Variants in FRMPD4 observed in about 807,000 individuals in gnomAD.
FRMPD4 encodes the protein FERM and PDZ domain containing 4.
Under a neutral mutation model 94.1 loss-of-function variants are expected in FRMPD4, and 22 were observed. The observed-to-expected ratio is 0.23, with a 90% CI of 0.17 to 0.33. The LOEUF is 0.33. FRMPD4 is among the 10% of genes least tolerant of loss of function. The pLI is 1.00. For synonymous variants in FRMPD4, 631 were observed against 548.6 expected (o/e 1.15, Z -2.10); for missense variants, 1,111 against 1,339.9 (o/e 0.83, Z 2.67).
At chrX:12,354,900 G>A (rs940758205) in intron 1 of FRMPD4, among the ~76,000 whole-genome samples, 5 of 112,119 alleles carry the variant, frequency 4.5e-5, no homozygotes, top group Non-Finnish European at 7.5e-5. Context: ...AAAATGTAGC[G>A]CAATTAAAGA....
chrX:12,091,258 T>TA (rs5901460), intron 3 of FRMPD4, among the ~76,000 whole-genome samples: 44,079 of 109,429 alleles, frequency 0.4, 6,889 homozygotes, highest in Middle Eastern at 0.54. Context: ...ACTAGGATTT[T>TA]AAAAAAAAGC....
At position 12,023,223 on chromosome X, in the gene FRMPD4, A is replaced by G. The variant is rs193208726; in HGVS notation, c.95+145205A>G. Among the ~76,000 whole-genome samples, 323 of 111,441 alleles carry G rather than the reference A, an allele frequency of 2.9e-3. 1 individual carries two copies. The highest frequency in any genetic ancestry group is 9.5e-3 in the African/African-American group (291 of 30,659). ...ACACTCACCAGACTCCCATCTGCCAATGCCTTGATCGTATACTTTTCAGCC... is the reference window on the plus strand; with the variant it reads ...ACACTCACCAGACTCCCATCTGCCAGTGCCTTGATCGTATACTTTTCAGCC... On this transcript the variant is annotated intron_variant, in intron 3 of 18. Transcript: ENST00000640291.
At chrX:12,388,610 TAA>T (rs59101475) in intron 1 of FRMPD4, among the ~76,000 whole-genome samples, 8 of 94,603 alleles carry the variant, frequency 8.5e-5, no homozygotes, top group African/African-American at 1.6e-4. Flanking sequence ...CTCAAAAAAT[TAA>T]AAAAAAAAAA....
At chrX:12,368,354 T>G (rs994484398) in intron 1 of FRMPD4, among the ~76,000 whole-genome samples, 11 of 112,289 alleles carry the variant, frequency 9.8e-5, no homozygotes, top group African/African-American at 3.2e-4. Context: ...AGACTGAATA[T>G]AATGTACCAC....
At chrX:12,164,414 A>G (rs1222149677) in intron 1 of FRMPD4, among the ~76,000 whole-genome samples, 10 of 112,413 alleles carry the variant, frequency 8.9e-5, no homozygotes, top group Non-Finnish European at 1.7e-4. Context: ...TCCATGGCAT[A>G]TATGTGTCAC....
At chrX:12,406,911 C>G (rs183924402) in intron 1 of FRMPD4, among the ~76,000 whole-genome samples, 1 of 112,037 alleles carries the variant, frequency 8.9e-6, no homozygotes, top group Non-Finnish European at 1.9e-5. Context: ...GTGGATTTCA[C>G]TGGGCTAAAA....
intron 1 of FRMPD4, among the ~76,000 whole-genome samples, chrX:12,461,231 A>AT (rs2057387556): frequency 8.9e-6 from 1 of 112,000 alleles, no homozygotes; most frequent in African/African-American, 3.2e-5. Context: ...CCTCACTAGG[A>AT]TTTTTTCCCA....
chrX:12,315,650 G>A (rs771890091), intron 1 of FRMPD4, among the ~76,000 whole-genome samples: 2 of 112,205 alleles, frequency 1.8e-5, no homozygotes, highest in African/African-American at 6.5e-5. Flanking sequence ...ATTACCAGAG[G>A]CTAGAACAAG....
chrX:12,515,845 T>C (rs1192576587), intron 2 of FRMPD4, among the ~76,000 whole-genome samples: 1 of 111,588 alleles, frequency 9.0e-6, no homozygotes, highest in African/African-American at 3.3e-5. Flanking sequence ...TCTTTGTAAG[T>C]CTCTAAGAAC....
Position 11,860,563 on chromosome X carries a change from A to G in FRMPD4, c.-160-4523A>G, listed in dbSNP as rs2053680658. Reference sequence around the variant, plus strand: ...AGAGCCAGTTGGCACCTGACTAACTATTAGTATTGTGTTCTCCCTCTGGGT... The same window carrying G: ...AGAGCCAGTTGGCACCTGACTAACTGTTAGTATTGTGTTCTCCCTCTGGGT... On this transcript the variant is annotated intron_variant, in intron 1 of 18. Transcript: ENST00000640291. Among the ~76,000 whole-genome samples the G allele has an allele frequency of 2.7e-5, 3 of 112,236 alleles. No individual in the cohort carries two copies. In the Admixed American group the frequency reaches 2.8e-4, roughly 11 times the overall value.
chrX:12,107,952 G>A (rs1237483819), intron 3 of FRMPD4, among the ~76,000 whole-genome samples: 1 of 112,087 alleles, frequency 8.9e-6, no homozygotes, highest in East Asian at 2.8e-4. Flanking sequence ...TCTGATTGGT[G>A]TACCTGAAAG....
At chrX:12,242,661 A>G (rs1248257065) in intron 1 of FRMPD4, among the ~76,000 whole-genome samples, 1 of 112,614 alleles carries the variant, frequency 8.9e-6, no homozygotes, top group East Asian at 2.8e-4. Context: ...ACTGCCAATA[A>G]ACATTGGATT....
chrX:12,366,853 T>C (rs2056090040), intron 1 of FRMPD4, among the ~76,000 whole-genome samples: 1 of 111,371 alleles, frequency 9.0e-6, no homozygotes, highest in African/African-American at 3.3e-5. Context: ...GCTGAGTGTA[T>C]AGTAGCTAAG....
intron 3 of FRMPD4, among the ~76,000 whole-genome samples, chrX:12,119,555 G>C (rs2055437997): frequency 8.9e-6 from 1 of 112,022 alleles, no homozygotes; most frequent in Non-Finnish European, 1.9e-5. Flanking sequence ...GGGAGTCTAT[G>C]GAAAGCTAAG....
chrX:11,906,349 G>A (rs1051484402), intron 3 of FRMPD4, among the ~76,000 whole-genome samples: 8 of 109,604 alleles, frequency 7.3e-5, no homozygotes, highest in African/African-American at 1.7e-4. Flanking sequence ...GGGATTCACC[G>A]TGTTAGCCAG....
At chrX:12,314,554 G>A (rs1296895705) in intron 1 of FRMPD4, among the ~76,000 whole-genome samples, 1 of 111,799 alleles carries the variant, frequency 8.9e-6, no homozygotes, top group Admixed American at 9.4e-5. Context: ...TTATTCAGTG[G>A]TAATTGAGAT....
chrX:12,037,228 C>G (rs1034098432), intron 3 of FRMPD4, among the ~76,000 whole-genome samples: 1 of 111,793 alleles, frequency 8.9e-6, no homozygotes, highest in Non-Finnish European at 1.9e-5. Flanking sequence ...AGGAGACCTA[C>G]TTCTATACCT....
chrX:12,721,291 C>G lies in FRMPD4; in HGVS notation c.4722C>G (p.Asp1574Glu). 1.3e-6 allele frequency: 1 copy of G among 755,309 alleles called. No individual in the cohort carries two copies. The highest frequency in any genetic ancestry group is 1.6e-6 in the Non-Finnish European group (1 of 638,710). The allele number at this position is 755,309 out of a possible 1,213,427, so 62.2% of individuals were successfully genotyped here. A position where few individuals can be genotyped will look rare whatever the true frequency, so the allele number is the denominator to read the frequency against. ...AGGTCTGGGCAGAAGACCTGCGAGA[C>G]CCAGATGACTTGGACTTCAGCAACC... ...VLKVWAEDLR[D>E]PDDLDFSNLA... Residue 1574 changes from aspartate to glutamate, a missense_variant, in exon 17 of 17, where the codon GAC (aspartate) becomes GAG (glutamate). Physicochemically the swap from Asp to Glu is conservative, Grantham distance 45. Coordinates refer to ENST00000675598, the MANE Select transcript of FRMPD4 (RefSeq NM_001368397.1).
chrX:12,647,237 C>A (rs1465464794), intron 4 of FRMPD4, among the ~76,000 whole-genome samples: 1 of 111,748 alleles, frequency 8.9e-6, no homozygotes, highest in East Asian at 2.8e-4. Flanking sequence ...TATAGATAAT[C>A]TAGGGCGTGA....
Sources: gnomAD v4.1 joint callset for allele counts (sites outside exome capture counted in the v4.1 genomes callset) on GRCh38, gnomAD v4.1.1 for gene constraint, MANE v1.5 for transcripts, NCBI Gene and HGNC (gene_info 2026-07-23, HGNC 2026-07-21) for gene names.